The following WASF1 variants were observed in gnomAD, a reference collection of about 807,000 sequenced individuals.
WASF1 encodes the protein actin-binding protein WASF1.
In WASF1, 7 loss-of-function variants were observed where a neutral mutation model predicts 50.5. The ratio of observed to expected loss-of-function variants is 0.14; its 90% confidence interval spans 0.08 to 0.26. The LOEUF is 0.26. WASF1 is among the 10% of genes least tolerant of loss of function. WASF1 has a pLI of 1.00. For missense variants in WASF1, 470 were observed against 694.7 expected (o/e 0.68, Z 3.64); for synonymous variants, 205 against 244.0 (o/e 0.84, Z 1.49).
At chr6:110,119,122 C>T (rs957061214) in intron 4 of WASF1, among the ~76,000 whole-genome samples, 11 of 152,016 alleles carry the variant, frequency 7.2e-5, no homozygotes, top group African/African-American at 2.4e-4. Flanking sequence ...CCTAACATCA[C>T]AATTAAAAGA....
At chr6:110,153,418 T>C (rs1182774260) in intron 3 of WASF1, among the ~76,000 whole-genome samples, 1 of 152,056 alleles carries the variant, frequency 6.6e-6, no homozygotes, top group Non-Finnish European at 1.5e-5. Context: ...ACATTTTGAG[T>C]CCAAAAAGAA....
At chr6:110,112,726 C>T (rs180935173) in intron 5 of WASF1, among the ~76,000 whole-genome samples, 10 of 151,730 alleles carry the variant, frequency 6.6e-5, no homozygotes, top group African/African-American at 2.2e-4. Flanking sequence ...ATGGTGAAAC[C>T]CCATCTCTAC....
At position 110,170,683 on chromosome 6, in the gene WASF1, C is replaced by T. The variant is rs191319391; in HGVS notation, c.-127+7915G>A. On this transcript the variant is annotated intron_variant, in intron 2 of 10. Coordinates refer to ENST00000392589, the MANE Select transcript of WASF1 (RefSeq NM_003931.3). ...GACAGAGTAGATTAAAAAAAAAAGA[C>T]CTAACTATATATTGTATACAAGAAA... 2.3e-3 allele frequency among the ~76,000 whole-genome samples: 348 copies of T among 151,208 alleles called. 1 individual carries two copies. Among genetic ancestry groups the T allele is most frequent in the African/African-American group, 8.1e-3 (336 of 41,230 alleles).
intron 2 of WASF1, among the ~76,000 whole-genome samples, chr6:110,170,575 G>A (rs2114620914): frequency 6.6e-6 from 1 of 151,974 alleles, no homozygotes; most frequent in African/African-American, 2.4e-5. Context: ...AAAAAAAGTT[G>A]CAAATACAGT....
intron 4 of WASF1, among the ~76,000 whole-genome samples, chr6:110,123,346 AT>A (rs1473911157): frequency 6.6e-6 from 1 of 152,114 alleles, no homozygotes; most frequent in African/African-American, 2.4e-5. Flanking sequence ...AAAAAAAAAA[AT>A]CATAAATCTA....
At chr6:110,164,277 C>A (rs747349493) in intron 2 of WASF1, among the ~76,000 whole-genome samples, 10 of 151,530 alleles carry the variant, frequency 6.6e-5, no homozygotes, top group Non-Finnish European at 1.2e-4. Flanking sequence ...AAGCTACAGA[C>A]TGGGAGAAAA....
chr6:110,179,298 C>G (rs974324140), intron 1 of WASF1, 141 bp downstream of exon 1: 7 of 152,316 alleles, frequency 4.6e-5, no homozygotes, highest in African/African-American at 1.7e-4. Context: ...GGGTGGGGGC[C>G]GGGGCGGGGA....
At chr6:110,147,352 A>T (rs1415218357) in intron 3 of WASF1, among the ~76,000 whole-genome samples, 1 of 152,056 alleles carries the variant, frequency 6.6e-6, no homozygotes, top group Admixed American at 6.5e-5. Flanking sequence ...TCTCAAAAAA[A>T]AAAAAAAAAA....
chr6:110,143,685 G>A (rs1775379626), intron 3 of WASF1, among the ~76,000 whole-genome samples: 2 of 151,878 alleles, frequency 1.3e-5, no homozygotes, highest in Non-Finnish European at 2.9e-5. Flanking sequence ...TTGCTTTATG[G>A]GTTATACAAA....
rs1451746247 is a variant in WASF1 at position 110,178,309 on chromosome 6, T to TA, written c.-127+288dup. Among the ~76,000 whole-genome samples the TA allele has an allele frequency of 2.6e-5, 4 of 152,320 alleles. No homozygotes were observed. The East Asian group carries it at 7.7e-4, about 29-fold the overall frequency. On this transcript the variant is annotated intron_variant, in intron 2 of 10. Transcript: ENST00000392589. ...ACAAAAATGTTTCCTAACAGAAACT[T>TA]AGAGCATAAAGGATAAACTGTTCCT... is the stretch of plus-strand genomic sequence containing the variant.
At chr6:110,151,168 C>G (rs539488151) in intron 3 of WASF1, among the ~76,000 whole-genome samples, 1 of 152,180 alleles carries the variant, frequency 6.6e-6, no homozygotes, top group Non-Finnish European at 1.5e-5. Flanking sequence ...TACATACATA[C>G]AGCTTTAGTA....
intron 3 of WASF1, among the ~76,000 whole-genome samples, chr6:110,131,496 G>A (rs1329205547): frequency 6.6e-6 from 1 of 152,078 alleles, no homozygotes; most frequent in Non-Finnish European, 1.5e-5. Flanking sequence ...GACTAACCTA[G>A]AGCTAATGAC....
chr6:110,116,519 T>C (rs1268157588), intron 4 of WASF1, among the ~76,000 whole-genome samples: 1 of 152,108 alleles, frequency 6.6e-6, no homozygotes, highest in East Asian at 1.9e-4. Context: ...TAGCTCAAAG[T>C]GTAAACAAAG....
rs141872520 is a variant in WASF1, at chr6:110,138,253, G to T, written c.-28-10624C>A. On this transcript the variant is annotated intron_variant, in intron 3 of 10. Coordinates refer to ENST00000392589, the MANE Select transcript of WASF1 (RefSeq NM_003931.3). ...AGTGGCTTCCACCACAGGAACCAGG[G>T]AACACTGTGGTGCCCAGAAGCTTGT... Among the ~76,000 whole-genome samples the T allele has an allele frequency of 2.0e-5, 3 of 152,354 alleles. No individual in the cohort carries two copies. In the East Asian group the frequency reaches 5.8e-4, roughly 29 times the overall value.
At chr6:110,141,385 T>A (rs944508310) in intron 3 of WASF1, among the ~76,000 whole-genome samples, 1 of 152,150 alleles carries the variant, frequency 6.6e-6, no homozygotes, top group Admixed American at 6.5e-5. Flanking sequence ...TTCACTTTTT[T>A]ATCCTCAGAG....
At chr6:110,137,039 G>GT (rs1774999899) in intron 3 of WASF1, among the ~76,000 whole-genome samples, 1 of 152,118 alleles carries the variant, frequency 6.6e-6, no homozygotes, top group Admixed American at 6.5e-5. Flanking sequence ...GGTTTCATGT[G>GT]TTTTACAGTA....
intron 7 of WASF1, among the ~76,000 whole-genome samples, chr6:110,106,048 A>C (rs1325888544): frequency 1.3e-5 from 2 of 152,260 alleles, no homozygotes; most frequent in Admixed American, 1.3e-4. Context: ...ACCGATAATA[A>C]CTATATCACT....
rs759577139 is a variant in WASF1, at chr6:110,103,532, C to T, written c.739G>A (p.Asp247Asn). 1 of 1,613,252 alleles carries T rather than the reference C, an allele frequency of 6.2e-7. No homozygotes were observed. The highest frequency in any genetic ancestry group is 1.1e-5 in the South Asian group (1 of 90,948). Reference sequence around the variant, plus strand: ...AAGGCAGAAAGTGAGTAAGATCCATCCATATGATCCACGTATGTCTGAGGT... The same window carrying T: ...AAGGCAGAAAGTGAGTAAGATCCATTCATATGATCCACGTATGTCTGAGGT... ...TRPQTYVDHM[D>N]GSYSLSALPF... The change falls in exon 9 of 11, where the codon GAT becomes AAT. Residue 247 changes from aspartate (D) to asparagine (N), a missense_variant. Asp to Asn is a conservative substitution (Grantham distance 23). Transcript: ENST00000392589.
intron 3 of WASF1, among the ~76,000 whole-genome samples, chr6:110,139,580 T>C (rs928524095): frequency 6.6e-6 from 1 of 152,200 alleles, no homozygotes; most frequent in Non-Finnish European, 1.5e-5. Context: ...ATTCTGATTC[T>C]TTCAATTATC....
Sources: gnomAD v4.1 joint callset for allele counts (sites outside exome capture counted in the v4.1 genomes callset) on GRCh38, gnomAD v4.1.1 for gene constraint, MANE v1.5 for transcripts, NCBI Gene and HGNC (gene_info 2026-07-23, HGNC 2026-07-21) for gene names.